The following FDX1 variants were observed in gnomAD, a reference collection of about 807,000 sequenced individuals.
The protein encoded by FDX1 is ferredoxin 1, also known as adrenodoxin, mitochondrial.
FDX1 carries 9 observed loss-of-function variants against 14.9 expected under a neutral mutation model. That is an observed-to-expected ratio of 0.60 (90% CI 0.36 to 1.05). The LOEUF (loss-of-function observed/expected upper bound fraction) is 1.05, where lower values mean the gene tolerates loss of function less well. FDX1 is among the 50% of genes least tolerant of loss of function. The pLI, the probability that FDX1 is intolerant of heterozygous loss-of-function variation, is 0.01. For synonymous variants in FDX1, 92 were observed against 99.4 expected, an observed-to-expected ratio of 0.93 and a Z score of 0.44; for missense variants, 204 against 237.2, an observed-to-expected ratio of 0.86 and a Z score of 0.92.
chr11:110,437,088 T>A (rs1946374957), intron 2 of FDX1, among the ~76,000 whole-genome samples: 1 of 152,196 alleles, frequency 6.6e-6, no homozygotes, highest in Non-Finnish European at 1.5e-5. Flanking sequence ...CTCGACCTCC[T>A]GGACTCAAGT....
chr11:110,441,350 A>G (rs564581921), intron 2 of FDX1, among the ~76,000 whole-genome samples: 2 of 152,360 alleles, frequency 1.3e-5, no homozygotes, highest in South Asian at 4.1e-4. Flanking sequence ...TGGAGGGCTC[A>G]GGAGAAGATA....
intron 2 of FDX1, among the ~76,000 whole-genome samples, chr11:110,439,823 G>C (rs1004055339): frequency 7.2e-5 from 11 of 152,124 alleles, no homozygotes; most frequent in African/African-American, 2.7e-4. Context: ...TTACATTTAA[G>C]TCTTTAATCT....
chr11:110,455,080 C>T (rs1946513648), intron 2 of FDX1, among the ~76,000 whole-genome samples: 2 of 152,202 alleles, frequency 1.3e-5, no homozygotes, highest in Non-Finnish European at 1.5e-5. Context: ...AATCTCGGCT[C>T]ACTGCATCCT....
At chr11:110,444,691 T>TATATATATAC (rs1946432600) in intron 2 of FDX1, among the ~76,000 whole-genome samples, 1 of 53,226 alleles carries the variant, frequency 1.9e-5, no homozygotes, top group African/African-American at 8.7e-5. Flanking sequence ...TATACACGTA[T>TATATATATAC]ATATATATAT....
chr11:110,439,818 T>C (rs187678804), intron 2 of FDX1, among the ~76,000 whole-genome samples: 3 of 152,308 alleles, frequency 2.0e-5, no homozygotes, highest in Admixed American at 2.0e-4. Context: ...AGATCTTACA[T>C]TTAAGTCTTT....
At chr11:110,455,243 A>C (rs1946514570) in intron 2 of FDX1, among the ~76,000 whole-genome samples, 1 of 150,792 alleles carries the variant, frequency 6.6e-6, no homozygotes, top group African/African-American at 2.4e-5. Flanking sequence ...CACGTGATCC[A>C]TCTGCCTCGG....
In FDX1 at chr11:110,464,324, G is replaced by C. The variant is rs986475353; in HGVS notation, c.*1856G>C. The stretch of plus-strand genomic sequence containing the variant: ...AAGAAAAGAGATTTATTTGGATCAT[G>C]GTTCTGGAGGCTGGGAGGTCCAAGA... On this transcript the variant is annotated 3_prime_UTR_variant, in exon 4 of 4. Coordinates refer to ENST00000260270, the MANE Select transcript of FDX1 (RefSeq NM_004109.5). 6.6e-6 allele frequency: 1 copy of C among 152,264 alleles called. No homozygotes were observed. The highest frequency in any genetic ancestry group is 1.5e-5 in the Non-Finnish European group (1 of 68,094). The allele number at this position is 152,264 out of a possible 1,614,324, so 9.4% of individuals were successfully genotyped here.
Position 110,439,695 on chromosome 11 carries a change from A to G in FDX1, c.310+3737A>G, listed in dbSNP as rs558998642. On this transcript the variant is annotated intron_variant, in intron 2 of 3. Transcript: ENST00000260270. ...GCTCTTTAATCAGGTCCCATTTGTC[A>G]ATTTTTGTTTTTGTTGCAATTGATT... Among the ~76,000 whole-genome samples the G allele has an allele frequency of 7.2e-4, 109 of 152,098 alleles. 1 individual carries two copies. Among genetic ancestry groups the G allele is most frequent in the African/African-American group, 2.6e-3 (108 of 41,496 alleles).
At chr11:110,432,296 A>T (rs1946336884) in intron 1 of FDX1, among the ~76,000 whole-genome samples, 1 of 152,222 alleles carries the variant, frequency 6.6e-6, no homozygotes, top group African/African-American at 2.4e-5. Flanking sequence ...CTCTTAAGAC[A>T]ATTCTATGAG....
intron 2 of FDX1, among the ~76,000 whole-genome samples, chr11:110,437,872 A>G (rs1388308439): frequency 6.6e-6 from 1 of 152,204 alleles, no homozygotes; most frequent in African/African-American, 2.4e-5. Context: ...GCTTGCACTT[A>G]TAAGTGAGAA....
At chr11:110,433,463 A>G (rs2134565494) in intron 1 of FDX1, among the ~76,000 whole-genome samples, 1 of 152,284 alleles carries the variant, frequency 6.6e-6, no homozygotes, top group Admixed American at 6.5e-5. Flanking sequence ...AGTTTATCTT[A>G]TGTAGATGGT....
At chr11:110,441,343 A>G (rs1946403168) in intron 2 of FDX1, among the ~76,000 whole-genome samples, 1 of 152,228 alleles carries the variant, frequency 6.6e-6, no homozygotes, top group Admixed American at 6.5e-5. Flanking sequence ...AACAGTTTGG[A>G]GGGCTCAGGA....
intron 1 of FDX1, among the ~76,000 whole-genome samples, chr11:110,434,430 G>A (rs1036869570): frequency 3.3e-5 from 5 of 149,362 alleles, no homozygotes; most frequent in African/African-American, 4.9e-5. Flanking sequence ...TCTGCCTTCC[G>A]GGTTCAAGCG....
In FDX1 at chr11:110,430,249, G is replaced by A. The variant is rs938186966; in HGVS notation, c.129G>A (p.Pro43=). Residue 43 remains proline (P), a synonymous_variant, in exon 1 of 4, where the codon CCG becomes CCA. Transcript: ENST00000260270. ...GCGGCCTGCTGAGGAACCGGGGGCC[G>A]GGCGGGAGCGCGGAGGCGAGCCGGT... ...GSSGLLRNRG[P]GGSAEASRSL... is the part of the protein sequence containing the mutation. The A allele has an allele frequency of 7.5e-6, 9 of 1,205,346 alleles. No individual in the cohort carries two copies. Among genetic ancestry groups the A allele is most frequent in the Admixed American group, 4.4e-5 (1 of 22,672 alleles). The allele number at this position is 1,205,346 out of a possible 1,614,324, so 74.7% of individuals were successfully genotyped here.
chr11:110,447,644 T>C (rs1357660905), intron 2 of FDX1, among the ~76,000 whole-genome samples: 1 of 152,092 alleles, frequency 6.6e-6, no homozygotes, highest in Non-Finnish European at 1.5e-5. Context: ...CCAAAATTCC[T>C]ACCTTTGAGA....
intron 2 of FDX1, among the ~76,000 whole-genome samples, chr11:110,456,312 G>T (rs1038541518): frequency 1.2e-4 from 19 of 152,114 alleles, no homozygotes; most frequent in African/African-American, 4.3e-4. Flanking sequence ...GCATGTCTCA[G>T]CTTATTAACT....
intron 2 of FDX1, among the ~76,000 whole-genome samples, chr11:110,448,598 T>C (rs1187443401): frequency 6.6e-6 from 1 of 152,218 alleles, no homozygotes; most frequent in Non-Finnish European, 1.5e-5. Context: ...TAGGAATTAA[T>C]TTCACAGCTA....
chr11:110,442,540 T>TG (rs2134680461), intron 2 of FDX1, among the ~76,000 whole-genome samples: 1 of 152,340 alleles, frequency 6.6e-6, no homozygotes, highest in African/African-American at 2.4e-5. Flanking sequence ...ATTTTGGACT[T>TG]GCATGGGGTC....
At position 110,430,172 on chromosome 11, in the gene FDX1, G is replaced by C. The variant is rs923191817; in HGVS notation, c.52G>C (p.Gly18Arg). ...GCTGCGCGCCGCTTCTGCTGTCCTC[G>C]GCGGCCCGGCCGGCCGGTGGCTGCA... The part of the protein sequence containing the change: ...RLLRAASAVL[G>R]GPAGRWLHHA... The change falls in exon 1 of 4, where the codon GGC becomes CGC. Residue 18 changes from glycine to arginine, a missense_variant. By Grantham distance (125) the Gly-to-Arg change is moderately radical. Transcript: ENST00000260270. 9 of 1,234,392 alleles carry C rather than the reference G, an allele frequency of 7.3e-6. No homozygotes were observed. The highest frequency in any genetic ancestry group is 1.6e-5 in the African/African-American group (1 of 63,886). The allele number at this position is 1,234,392 out of a possible 1,614,324, so 76.5% of individuals were successfully genotyped here.
Sources: allele counts gnomAD v4.1 joint callset (sites outside exome capture counted in the v4.1 genomes callset), GRCh38; gene constraint gnomAD v4.1.1; transcripts MANE v1.5; gene names NCBI Gene and HGNC (gene_info 2026-07-23, HGNC 2026-07-21).